The following PARD3 variants were observed in gnomAD, a reference collection of about 807,000 sequenced individuals.
The protein encoded by PARD3 is partitioning defective 3 homolog.
In PARD3, 75 loss-of-function variants were observed where a neutral mutation model predicts 155.4. The observed-to-expected ratio is 0.48, with a 90% CI of 0.40 to 0.58. The LOEUF is 0.58. PARD3 is among the 20% of genes least tolerant of loss of function. PARD3 has a pLI of 0.00. For synonymous variants in PARD3, 576 were observed against 610.5 expected (o/e 0.94, Z 0.83); for missense variants, 1,642 against 1,721.7 (o/e 0.95, Z 0.82).
At chr10:34,638,157 A>G (rs2092549909) in intron 2 of PARD3, among the ~76,000 whole-genome samples, 1 of 152,182 alleles carries the variant, frequency 6.6e-6, no homozygotes, top group South Asian at 2.1e-4. Flanking sequence ...TTCAAATGCA[A>G]TCATTTCCCA....
chr10:34,680,026 C>T (rs2093782250), intron 2 of PARD3, among the ~76,000 whole-genome samples: 1 of 152,000 alleles, frequency 6.6e-6, no homozygotes, highest in South Asian at 2.1e-4. Context: ...GCCCAGACTC[C>T]ACCACTACCC....
chr10:34,728,749 A>C (rs746770089), intron 1 of PARD3, among the ~76,000 whole-genome samples: 1 of 152,230 alleles, frequency 6.6e-6, no homozygotes, highest in Non-Finnish European at 1.5e-5. Flanking sequence ...GCAGTCAAAA[A>C]GTCCAAATTT....
At chr10:34,800,736 G>T (rs1473143117) in intron 1 of PARD3, among the ~76,000 whole-genome samples, 1 of 152,136 alleles carries the variant, frequency 6.6e-6, no homozygotes, top group Non-Finnish European at 1.5e-5. Flanking sequence ...AAAAGTGACA[G>T]GTTTCACTGT....
chr10:34,167,124 T>C (rs1374278776), intron 22 of PARD3, among the ~76,000 whole-genome samples: 3 of 152,238 alleles, frequency 2.0e-5, no homozygotes, highest in African/African-American at 7.2e-5. Context: ...GGCCTGGGTC[T>C]GTGTGTCTGA....
At chr10:34,365,139 A>T (rs1236744177) in intron 12 of PARD3, among the ~76,000 whole-genome samples, 1 of 152,214 alleles carries the variant, frequency 6.6e-6, no homozygotes, top group Non-Finnish European at 1.5e-5. Flanking sequence ...CCATTTTCTT[A>T]AGCTAGAAAT....
chr10:34,693,142 C>T (rs1170734466), intron 2 of PARD3, among the ~76,000 whole-genome samples: 1 of 152,200 alleles, frequency 6.6e-6, no homozygotes, highest in African/African-American at 2.4e-5. Flanking sequence ...TGTTTATACG[C>T]TGCTGGTGGG....
At chr10:34,464,404 T>C (rs2077876414) in intron 4 of PARD3, among the ~76,000 whole-genome samples, 1 of 152,218 alleles carries the variant, frequency 6.6e-6, no homozygotes, top group Non-Finnish European at 1.5e-5. Flanking sequence ...GAGCATTTTA[T>C]ACATCCTAAC....
chr10:34,608,889 T>C (rs2090674175), intron 2 of PARD3, among the ~76,000 whole-genome samples: 1 of 152,162 alleles, frequency 6.6e-6, no homozygotes. Context: ...ATTTATATTG[T>C]ATTAGGTATT....
intron 3 of PARD3, among the ~76,000 whole-genome samples, chr10:34,502,659 G>A (rs1301264549): frequency 6.6e-6 from 1 of 152,078 alleles, no homozygotes; most frequent in Non-Finnish European, 1.5e-5. Context: ...CATTAGACTT[G>A]GCTAGGTGTG....
chr10:34,377,794 A>G (rs890358580), intron 10 of PARD3, among the ~76,000 whole-genome samples, 173 bp downstream of exon 10: 12 of 152,250 alleles, frequency 7.9e-5, no homozygotes, highest in African/African-American at 2.9e-4. Context: ...AAATATATAT[A>G]AAAAATAACA....
At chr10:34,723,200 C>G (rs891457487) in intron 1 of PARD3, among the ~76,000 whole-genome samples, 2 of 152,052 alleles carry the variant, frequency 1.3e-5, no homozygotes, top group African/African-American at 4.8e-5. Context: ...AAAAATTAGC[C>G]AAGCATGGTG....
intron 22 of PARD3, among the ~76,000 whole-genome samples, chr10:34,183,975 G>A (rs1299184750): frequency 6.6e-6 from 1 of 152,116 alleles, no homozygotes; most frequent in Non-Finnish European, 1.5e-5. Context: ...CGCCATCATG[G>A]CTGGCTAATT....
At chr10:34,669,311 A>G (rs2093564137) in intron 2 of PARD3, among the ~76,000 whole-genome samples, 1 of 152,216 alleles carries the variant, frequency 6.6e-6, no homozygotes, top group African/African-American at 2.4e-5. Flanking sequence ...TCTTGCAGCA[A>G]TATTGATGGA....
intron 5 of PARD3, among the ~76,000 whole-genome samples, chr10:34,438,827 G>A (rs1460684136): frequency 6.6e-6 from 1 of 152,152 alleles, no homozygotes; most frequent in Non-Finnish European, 1.5e-5. Context: ...GCCATCAAAT[G>A]GGGGGATGGA....
chr10:34,709,057 T>C (rs1238918337), intron 1 of PARD3, among the ~76,000 whole-genome samples: 2 of 152,072 alleles, frequency 1.3e-5, no homozygotes, highest in Non-Finnish European at 2.9e-5. Context: ...CATATAAACA[T>C]ACAGGTGAGA....
chr10:34,507,890 G>T (rs899377230), intron 3 of PARD3, among the ~76,000 whole-genome samples: 3 of 152,248 alleles, frequency 2.0e-5, no homozygotes, highest in African/African-American at 7.2e-5. Flanking sequence ...TGTATGCCAT[G>T]CTCCACTTCA....
At chr10:34,368,367 G>T (rs1405087762) in intron 12 of PARD3, among the ~76,000 whole-genome samples, 1 of 152,064 alleles carries the variant, frequency 6.6e-6, no homozygotes, top group Non-Finnish European at 1.5e-5. Context: ...GCGTCCGTAT[G>T]GACAGGCAAA....
chr10:34,647,986 A>G (rs945267793), intron 2 of PARD3, among the ~76,000 whole-genome samples: 3 of 152,224 alleles, frequency 2.0e-5, no homozygotes, highest in South Asian at 2.1e-4. Context: ...TTCTCTGTAC[A>G]TGTAGATATG....
At chr10:34,217,390 A>G (rs1332070120) in intron 22 of PARD3, among the ~76,000 whole-genome samples, 1 of 152,198 alleles carries the variant, frequency 6.6e-6, no homozygotes, top group Non-Finnish European at 1.5e-5. Flanking sequence ...CTACCCTTGT[A>G]AAAACACTCC....
Sources: gnomAD v4.1 joint callset for allele counts (sites outside exome capture counted in the v4.1 genomes callset) on GRCh38, gnomAD v4.1.1 for gene constraint, MANE v1.5 for transcripts, NCBI Gene and HGNC (gene_info 2026-07-23, HGNC 2026-07-21) for gene names.